The following EOGT variants were observed in gnomAD, a reference collection of about 807,000 sequenced individuals.
EOGT encodes the protein EGF domain-specific O-linked N-acetylglucosamine transferase.
EOGT carries 55 observed loss-of-function variants against 70.5 expected under a neutral mutation model. That is an observed-to-expected ratio of 0.78 (90% confidence interval 0.63 to 0.98). EOGT has a LOEUF of 0.98. EOGT is among the 50% of genes least tolerant of loss of function. The pLI, the probability that EOGT is intolerant of heterozygous loss-of-function variation, is 0.00. For missense variants in EOGT, 703 were observed against 641.9 expected, an observed-to-expected ratio of 1.10 and a Z score of -1.03; for synonymous variants, 246 against 217.1, an observed-to-expected ratio of 1.13 and a Z score of -1.17.
intron 3 of EOGT, among the ~76,000 whole-genome samples, chr3:69,011,620 A>G (rs1474334333): frequency 6.6e-6 from 1 of 151,370 alleles, no homozygotes; most frequent in African/African-American, 2.4e-5. Flanking sequence ...ACAAAGAAAG[A>G]AAGAAGAAAA....
At chr3:69,005,114 G>A in intron 7 of EOGT, 26 bp downstream of exon 7, 1 of 1,160,850 alleles carries the variant, frequency 8.6e-7, no homozygotes, top group South Asian at 1.4e-5. Flanking sequence ...ATTTATACTA[G>A]ATGTTAACAT....
At chr3:68,988,476 A>T (rs774273771) in intron 12 of EOGT, 30 bp downstream of exon 12, 8 of 1,502,912 alleles carry the variant, frequency 5.3e-6, no homozygotes, top group Non-Finnish European at 7.2e-6. Flanking sequence ...GTCTGTAAAT[A>T]TGAATGCTAA....
intron 17 of EOGT, among the ~76,000 whole-genome samples, 160 bp downstream of exon 17, chr3:68,978,171 CCT>C (rs1186648730): frequency 2.6e-5 from 4 of 152,220 alleles, no homozygotes; most frequent in Non-Finnish European, 5.9e-5. Flanking sequence ...GCTTAATTCC[CCT>C]TTTTCTCCTA....
At chr3:69,012,052 G>A (rs955485837) in intron 2 of EOGT, 61 bp from the exon 3 acceptor site, 2 of 152,140 alleles carry the variant, frequency 1.3e-5, no homozygotes, top group African/African-American at 4.8e-5. Context: ...TCATTCAGAT[G>A]ATGTTGTGAA....
intron 14 of EOGT, among the ~76,000 whole-genome samples, chr3:68,986,895 TTCTTACTAC>T (rs2090825501): frequency 6.6e-6 from 1 of 152,202 alleles, no homozygotes; most frequent in Non-Finnish European, 1.5e-5. Flanking sequence ...GTAGAATAAA[TTCTTACTAC>T]TGAGAGGCTA....
intron 3 of EOGT, among the ~76,000 whole-genome samples, chr3:69,010,581 C>T (rs1326745068): frequency 1.3e-5 from 2 of 152,186 alleles, no homozygotes; most frequent in Non-Finnish European, 2.9e-5. Flanking sequence ...AATAATAAAC[C>T]TTCATCATAG....
chr3:69,012,963 G>A (rs2091612938), intron 1 of EOGT, among the ~76,000 whole-genome samples, 164 bp from the exon 2 acceptor site: 1 of 152,036 alleles, frequency 6.6e-6, no homozygotes, highest in Non-Finnish European at 1.5e-5. Flanking sequence ...GTGAGACCCC[G>A]AATGACACCT....
In EOGT at chr3:68,979,667, C is replaced by A. The variant is rs1325830346; in HGVS notation, c.1334+1G>T. The A allele has an allele frequency of 4.3e-6, 7 of 1,613,106 alleles. No individual in the cohort carries two copies. The highest frequency in any genetic ancestry group is 5.9e-6 in the Non-Finnish European group (7 of 1,179,610). ...GTGTAAAACTGCCTCCCAACACTTACAGTTCAAATACAGCAGCCCAGTCTG... is the reference window on the plus strand; with the variant it reads ...GTGTAAAACTGCCTCCCAACACTTAAAGTTCAAATACAGCAGCCCAGTCTG... On this transcript the variant is annotated splice_donor_variant, in intron 16 of 17. Transcript: ENST00000383701. LOFTEE classifies it high-confidence loss of function.
intron 15 of EOGT, among the ~76,000 whole-genome samples, chr3:68,982,362 A>G (rs190008930): frequency 7.3e-5 from 11 of 150,216 alleles, no homozygotes; most frequent in African/African-American, 2.5e-4. Context: ...TCTACAAAAA[A>G]TACAAAAATT....
At chr3:68,982,726 C>T in intron 15 of EOGT, 85 bp downstream of exon 15, 1 of 912,306 alleles carries the variant, frequency 1.1e-6, no homozygotes, top group South Asian at 1.8e-5. Context: ...ATGCCAATGG[C>T]TCCCACTGGA....
chr3:69,013,499 C>G (rs1285294396), intron 1 of EOGT, 75 bp downstream of exon 1: 1 of 152,606 alleles, frequency 6.6e-6, no homozygotes, highest in African/African-American at 2.4e-5. Context: ...ACCACCCGGG[C>G]AAGAACAGCG....
intron 11 of EOGT, 85 bp downstream of exon 11, chr3:68,988,840 G>C (rs1272402447): frequency 2.8e-6 from 2 of 720,976 alleles, no homozygotes; most frequent in African/African-American, 1.8e-5. Flanking sequence ...ATGGCTAATA[G>C]GAACTCATAA....
At chr3:69,009,933 C>T (rs55952435) in intron 3 of EOGT, 73 bp from the exon 4 acceptor site, 1 of 223,874 alleles carries the variant, frequency 4.5e-6, no homozygotes, top group Admixed American at 7.7e-5. Context: ...ACAACAACAA[C>T]AAAAAAAAAA....
chr3:68,980,128 C>T (rs1044006311), intron 15 of EOGT, among the ~76,000 whole-genome samples: 4 of 152,088 alleles, frequency 2.6e-5, no homozygotes, highest in African/African-American at 9.7e-5. Flanking sequence ...GTGTTCAAAT[C>T]GAGGTAGATA....
intron 9 of EOGT, among the ~76,000 whole-genome samples, chr3:69,000,683 C>T (rs2091271765): frequency 6.6e-6 from 1 of 152,136 alleles, no homozygotes; most frequent in Admixed American, 6.6e-5. Flanking sequence ...GCACAGTAAT[C>T]CCTGTCTCTC....
intron 10 of EOGT, among the ~76,000 whole-genome samples, chr3:68,997,335 T>G (rs1050920826): frequency 6.6e-5 from 10 of 151,010 alleles, no homozygotes; most frequent in Non-Finnish European, 1.5e-4. Flanking sequence ...GGCAAGCACT[T>G]CCAACATAGG....
intron 10 of EOGT, among the ~76,000 whole-genome samples, chr3:68,990,164 G>A (rs1021178909): frequency 3.3e-5 from 5 of 152,050 alleles, no homozygotes; most frequent in Non-Finnish European, 7.3e-5. Flanking sequence ...CAAGCCTAAT[G>A]AGTTGATAAT....
intron 10 of EOGT, among the ~76,000 whole-genome samples, chr3:68,989,571 A>T (rs2090919794): frequency 6.6e-6 from 1 of 151,922 alleles, no homozygotes; most frequent in African/African-American, 2.4e-5. Flanking sequence ...AATATGATGA[A>T]ACCCCATCTC....
At chr3:68,983,500 C>A (rs1044098249) in intron 14 of EOGT, among the ~76,000 whole-genome samples, 1 of 152,210 alleles carries the variant, frequency 6.6e-6, no homozygotes, top group South Asian at 2.1e-4. Flanking sequence ...AATTAGGCCA[C>A]GGGGGATCAC....
Sources: allele counts gnomAD v4.1 joint callset (sites outside exome capture counted in the v4.1 genomes callset), GRCh38; gene constraint gnomAD v4.1.1; transcripts MANE v1.5; gene names NCBI Gene and HGNC (gene_info 2026-07-23, HGNC 2026-07-21).